RANBP2: variants seen among roughly 807,000 people sequenced by gnomAD.
RANBP2 encodes the protein E3 SUMO-protein ligase RanBP2.
RANBP2 carries 57 observed loss-of-function variants against 303.6 expected under a neutral mutation model. The ratio of observed to expected loss-of-function variants is 0.19; its 90% CI spans 0.15 to 0.23. The LOEUF (loss-of-function observed/expected upper bound fraction) is 0.23. RANBP2 is among the 10% of genes least tolerant of loss of function. The pLI, the probability that RANBP2 is intolerant of heterozygous loss-of-function variation, is 1.00. For missense variants in RANBP2, 3,138 were observed against 3,780.8 expected, an observed-to-expected ratio of 0.83 and a Z score of 4.46; for synonymous variants, 1,167 against 1,301.5, an observed-to-expected ratio of 0.90 and a Z score of 2.23.
downstream of RANBP2, chr2:108,788,972 G>A: frequency 1.9e-6 from 3 of 1,613,758 alleles, no homozygotes; most frequent in Non-Finnish European, 1.7e-6. Context: ...AATTGGTAAA[G>A]TACCCTGAAA....
At chr2:109,020,132 A>C in the RANBP2 span, among the ~76,000 whole-genome samples, 7 of 152,200 alleles carry the variant, frequency 4.6e-5, no homozygotes, top group Non-Finnish European at 7.3e-5. Context: ...TAATACTGGA[A>C]TGAGTGTTCT....
the RANBP2 span, among the ~76,000 whole-genome samples, chr2:109,132,162 G>A: frequency 6.6e-6 from 1 of 152,164 alleles, no homozygotes; most frequent in Non-Finnish European, 1.5e-5. Flanking sequence ...TAACTAATAT[G>A]CCATGATAGC....
chr2:109,031,107 C>G, the RANBP2 span, among the ~76,000 whole-genome samples: 1 of 152,122 alleles, frequency 6.6e-6, no homozygotes, highest in Non-Finnish European at 1.5e-5. Context: ...TGTGATTGGG[C>G]AATGGTAAGA....
chr2:109,107,332 T>C, the RANBP2 span, among the ~76,000 whole-genome samples: 2 of 151,742 alleles, frequency 1.3e-5, no homozygotes, highest in Non-Finnish European at 2.9e-5. Context: ...CAGGTCCAGA[T>C]GTAGTTTGAA....
chr2:109,470,957 C>T, the RANBP2 span, among the ~76,000 whole-genome samples: 2 of 152,146 alleles, frequency 1.3e-5, no homozygotes, highest in East Asian at 1.9e-4. Context: ...CGGTGGCTCA[C>T]GCCTGTAATC....
the RANBP2 span, among the ~76,000 whole-genome samples, chr2:109,683,560 C>A: frequency 6.6e-6 from 1 of 152,164 alleles, no homozygotes; most frequent in Non-Finnish European, 1.5e-5. Context: ...GGGCCAGTCA[C>A]TTCCCATGTT....
chr2:108,883,235 T>G, the RANBP2 span: 1 of 152,182 alleles, frequency 6.6e-6, no homozygotes, highest in Non-Finnish European at 1.5e-5. Context: ...CTGAAAATAT[T>G]TCATGGCAAA....
chr2:109,273,199 C>CTTAA, the RANBP2 span, among the ~76,000 whole-genome samples: 1 of 152,214 alleles, frequency 6.6e-6, no homozygotes, highest in Non-Finnish European at 1.5e-5. Context: ...GATCCTAGGC[C>CTTAA]TGTCCTGAGA....
chr2:109,174,304 G>A, the RANBP2 span, among the ~76,000 whole-genome samples: 17 of 152,264 alleles, frequency 1.1e-4, no homozygotes, highest in African/African-American at 3.9e-4. Flanking sequence ...TGGCAAGAGG[G>A]GAGAGGAACA....
chr2:108,754,353 C>T (rs986967104), intron 15 of RANBP2, among the ~76,000 whole-genome samples: 4 of 151,486 alleles, frequency 2.6e-5, no homozygotes, highest in African/African-American at 9.8e-5. Flanking sequence ...TTCTCATCCT[C>T]ATCAGCCATT....
At chr2:109,211,679 C>G in the RANBP2 span, among the ~76,000 whole-genome samples, 1 of 150,314 alleles carries the variant, frequency 6.7e-6, no homozygotes, top group Non-Finnish European at 1.5e-5. Flanking sequence ...GAGTCTCGCT[C>G]TGTCACCCAG....
the RANBP2 span, among the ~76,000 whole-genome samples, chr2:109,652,380 G>A: frequency 6.7e-6 from 1 of 149,886 alleles, no homozygotes; most frequent in South Asian, 2.1e-4. Flanking sequence ...CCGCCACCAC[G>A]CCCGGCTAAT....
chr2:108,746,149 C>A lies in RANBP2; in HGVS notation c.976-562C>A, dbSNP rs118049798. ...TTCTTGAACTCTGGGCTCAAGCGAT[C>A]CCCCCACCTTGGCCTTCCAAAGTGC... is the stretch of plus-strand genomic sequence containing the variant. On this transcript the variant is annotated intron_variant, in intron 7 of 28. Coordinates refer to ENST00000283195, the MANE Select transcript of RANBP2 (RefSeq NM_006267.5). Among the ~76,000 whole-genome samples the A allele has an allele frequency of 6.6e-4, 100 of 151,708 alleles. 1 individual carries two copies. In the East Asian group the frequency reaches 0.018, roughly 27 times the overall value.
chr2:109,293,271 G>T, the RANBP2 span, among the ~76,000 whole-genome samples: 1,223 of 152,190 alleles, frequency 8.0e-3, 20 homozygotes, highest in African/African-American at 0.028. Context: ...AAAGCCTTCT[G>T]CTAAAAATAC....
At chr2:109,474,058 T>G in the RANBP2 span, among the ~76,000 whole-genome samples, 1 of 151,928 alleles carries the variant, frequency 6.6e-6, no homozygotes, top group Non-Finnish European at 1.5e-5. Context: ...CTCCTCACCT[T>G]TGGTTTGGGG....
chr2:109,583,443 A>G, the RANBP2 span, among the ~76,000 whole-genome samples: 5 of 152,238 alleles, frequency 3.3e-5, no homozygotes, highest in African/African-American at 9.6e-5. Flanking sequence ...ATGAGATACC[A>G]TCTCACAACA....
rs376566354 is a variant in RANBP2, at chr2:108,740,670, A to G, written c.964A>G (p.Ile322Val). The change falls in exon 7 of 29, where the codon ATA (isoleucine) becomes GTA (valine). Residue 322 changes from isoleucine (I) to valine (V), a missense_variant. Physicochemically the swap from Ile to Val is conservative, Grantham distance 29 (BLOSUM62 3). Transcript: ENST00000283195. ...TGAGCTGGCTGCATTGTGCTATCTC[A>G]TAGCATTTCAGGTAAGTCTTCCACT... is the stretch of plus-strand genomic sequence containing the variant. Reference protein sequence around the residue: ...LSELAALCYLIAFQVPRPKIK... With the variant: ...LSELAALCYLVAFQVPRPKIK... 1.3e-6 allele frequency: 2 copies of G among 1,597,106 alleles called. No homozygotes were observed. Among genetic ancestry groups the G allele is most frequent in the Admixed American group, 1.7e-5 (1 of 60,000 alleles).
the RANBP2 span, among the ~76,000 whole-genome samples, chr2:109,345,622 A>G: frequency 6.6e-6 from 1 of 152,196 alleles, no homozygotes; most frequent in Non-Finnish European, 1.5e-5. Context: ...CATCCCTTCA[A>G]AACTGCTCGC....
At chr2:109,177,058 A>G in the RANBP2 span, among the ~76,000 whole-genome samples, 1 of 152,260 alleles carries the variant, frequency 6.6e-6, no homozygotes, top group African/African-American at 2.4e-5. Flanking sequence ...GGTGGAAGTT[A>G]CATTTAAATG....
Sources: allele counts gnomAD v4.1 joint callset (sites outside exome capture counted in the v4.1 genomes callset), GRCh38; gene constraint gnomAD v4.1.1; transcripts MANE v1.5; gene names NCBI Gene and HGNC (gene_info 2026-07-23, HGNC 2026-07-21).